Variants in LPO observed in about 807,000 individuals in gnomAD.
LPO encodes the protein lactoperoxidase, also known as salivary peroxidase.
LPO carries 70 observed loss-of-function variants against 68.4 expected under a neutral mutation model. The ratio of observed to expected loss-of-function variants is 1.02; its 90% CI spans 0.84 to 1.25. The LOEUF (loss-of-function observed/expected upper bound fraction) is 1.25, where lower values mean the gene tolerates loss of function less well. Among genes scored for constraint, LPO ranks in the 50% most tolerant of loss-of-function variants. LPO has a pLI of 0.00. For missense variants in LPO, 873 were observed against 908.4 expected, an observed-to-expected ratio of 0.96 and a Z score of 0.50; for synonymous variants, 360 against 357.6, an observed-to-expected ratio of 1.01 and a Z score of -0.08.
intron 1 of LPO, among the ~76,000 whole-genome samples, chr17:58,241,105 G>GTTCTT (rs1354561852): frequency 3.9e-5 from 5 of 128,930 alleles, no homozygotes; most frequent in South Asian, 5.2e-4. Flanking sequence ...TGTTGTTGTT[G>GTTCTT]TTCTTTTCTT....
rs368489195 is a variant in LPO at position 58,244,022 on chromosome 17, C to T, written c.105C>T (p.Ser35=). The change falls in exon 3 of 13, where the codon TCC becomes TCT. Residue 35 remains serine (S), a synonymous_variant. Coordinates refer to ENST00000262290, the MANE Select transcript of LPO (RefSeq NM_006151.3). ...RAQTTRTSAI[S]DTVSQAKVQV... Reference sequence around the variant, plus strand: ...AGACTACCAGAACCTCTGCCATCTCCGATACTGTGAGTCAGGCCAAGGTCC... The same window carrying T: ...AGACTACCAGAACCTCTGCCATCTCTGATACTGTGAGTCAGGCCAAGGTCC... 3.6e-5 allele frequency: 58 copies of T among 1,609,194 alleles called. No homozygotes were observed. In the African/African-American group the frequency reaches 6.6e-4, roughly 18 times the overall value.
rs1051155731 is a variant in LPO, at chr17:58,249,620, G to T, written c.498G>T (p.Ala166=). The T allele has an allele frequency of 6.2e-7, 1 of 1,602,734 alleles. No homozygotes were observed. The stretch of plus-strand genomic sequence containing the variant: ...GGGCTCTGGCGCGCTGGCTGCCCGC[G>T]GAGTACGAGGACGGGCTCTCCCTGC... The part of the protein sequence containing the change: ...ANRALARWLP[A]EYEDGLSLPF... Residue 166 remains alanine (A), a synonymous_variant, in exon 6 of 13, where the codon GCG becomes GCT. Coordinates refer to ENST00000262290, the MANE Select transcript of LPO (RefSeq NM_006151.3).
At chr17:58,258,164 AT>A (rs1369022956) in intron 9 of LPO, among the ~76,000 whole-genome samples, 1 of 151,952 alleles carries the variant, frequency 6.6e-6, no homozygotes, top group Non-Finnish European at 1.5e-5. Context: ...CCATTTGTCC[AT>A]TTTTGCTTTG....
At chr17:58,253,022 C>CAAAAAAAAAAA (rs765890765) in intron 8 of LPO, among the ~76,000 whole-genome samples, 6 of 31,102 alleles carry the variant, frequency 1.9e-4, no homozygotes, top group East Asian at 1.8e-3. Context: ...GACTCCATCT[C>CAAAAAAAAAAA]AAAAAAAAAA....
At chr17:58,246,587 G>A (rs1190279609) in intron 3 of LPO, among the ~76,000 whole-genome samples, 1 of 152,232 alleles carries the variant, frequency 6.6e-6, no homozygotes, top group Admixed American at 6.5e-5. Flanking sequence ...GGCCGGGCGG[G>A]AAAGGAAGGA....
chr17:58,243,201 G>A, intron 2 of LPO, 146 bp downstream of exon 2: 1 of 729,700 alleles, frequency 1.4e-6, no homozygotes, highest in South Asian at 1.7e-5. Context: ...TGCTCCCTCT[G>A]AAGGCTCTAG....
At chr17:58,255,625 C>T (rs2143922681) in intron 9 of LPO, among the ~76,000 whole-genome samples, 1 of 152,252 alleles carries the variant, frequency 6.6e-6, no homozygotes. Flanking sequence ...GGAGTGGGAG[C>T]CAGGCGGGCC....
At chr17:58,257,467 T>G (rs897879698) in intron 9 of LPO, among the ~76,000 whole-genome samples, 2 of 152,266 alleles carry the variant, frequency 1.3e-5, no homozygotes, top group African/African-American at 4.8e-5. Flanking sequence ...TACAATTGAC[T>G]AGATTTCATT....
intron 3 of LPO, 43 bp downstream of exon 3, chr17:58,244,124 CA>C (rs774823819): frequency 2.2e-6 from 3 of 1,365,706 alleles, no homozygotes; most frequent in South Asian, 2.4e-5. Flanking sequence ...CACACACACA[CA>C]CACACACTTC....
intron 3 of LPO, among the ~76,000 whole-genome samples, chr17:58,245,322 G>A (rs1206569124): frequency 6.6e-6 from 1 of 152,046 alleles, no homozygotes; most frequent in Non-Finnish European, 1.5e-5. Context: ...GGGGTGGTGA[G>A]TCTACATCCC....
In LPO at chr17:58,256,647, C is replaced by G. The variant is rs551275853; in HGVS notation, c.1266+1676C>G. Among the ~76,000 whole-genome samples the G allele has an allele frequency of 3.3e-5, 5 of 151,924 alleles. No individual in the cohort carries two copies. The East Asian group carries it at 7.8e-4, about 24-fold the overall frequency. On this transcript the variant is annotated intron_variant, in intron 9 of 12. Transcript: ENST00000262290. Reference sequence around the variant, plus strand: ...CGGCCAACATGGTGAAACCTTGTCTCTACTAAAAATACAAAAATTAGCTGG... The same window carrying G: ...CGGCCAACATGGTGAAACCTTGTCTGTACTAAAAATACAAAAATTAGCTGG...
At position 58,249,183 on chromosome 17, in the gene LPO, G is replaced by A. The variant is rs774537619; in HGVS notation, c.443+6G>A. ...ACGGGAGACTGCAATAACAGGTGGC[G>A]GGGCTTGGGGTGTGGGGGCCGACCA... On this transcript the variant is annotated splice_donor_region_variant and intron_variant, in intron 5 of 12. Coordinates refer to ENST00000262290, the MANE Select transcript of LPO (RefSeq NM_006151.3). 19 of 1,612,144 alleles carry A rather than the reference G, an allele frequency of 1.2e-5. No individual in the cohort carries two copies. The East Asian group carries it at 2.9e-4, about 25-fold the overall frequency.
In LPO at chr17:58,266,152, G is replaced by A. The variant is rs1156797605; in HGVS notation, c.1520-1G>A. On this transcript the variant is annotated splice_acceptor_variant, in intron 10 of 12. Coordinates refer to ENST00000262290, the MANE Select transcript of LPO (RefSeq NM_006151.3). LOFTEE classifies it high-confidence loss of function. ...CATGGCTTCTGGGTCTCCCTTGGCA[G>A]GTGGAATTGATCCTCTGGTGCGGGG... 1 of 1,613,758 alleles carries A rather than the reference G, an allele frequency of 6.2e-7. No homozygotes were observed. Among genetic ancestry groups the A allele is most frequent in the Non-Finnish European group, 8.5e-7 (1 of 1,179,812 alleles).
intron 1 of LPO, among the ~76,000 whole-genome samples, chr17:58,241,125 CTTTTTTTTTT>C (rs1161572564): frequency 8.8e-5 from 8 of 91,304 alleles, no homozygotes; most frequent in East Asian, 2.8e-4. Context: ...TTTCTTTTTT[CTTTTTTTTTT>C]TTTTTTTTTT....
At chr17:58,245,570 C>A (rs1969838296) in intron 3 of LPO, among the ~76,000 whole-genome samples, 1 of 152,146 alleles carries the variant, frequency 6.6e-6, no homozygotes, top group South Asian at 2.1e-4. Context: ...AGCAGCTTCG[C>A]CCTACTGTTG....
chr17:58,267,838 AC>A lies in LPO; in HGVS notation c.1984del (p.Gln662ArgfsTer49), dbSNP rs747654687. On this transcript the variant is annotated frameshift_variant, in exon 13 of 13. Coordinates refer to ENST00000262290, the MANE Select transcript of LPO (RefSeq NM_006151.3). LOFTEE classifies it low-confidence loss of function (END_TRUNC). ...VFTNEQKDSLQKMSFSRLVCD... is the reference protein window; with the variant it reads ...VFTNEQKDSLXKMSFSRLVCD... ...TCACGAACGAGCAGAAGGACTCTCT[AC>A]AGAAAATGTCCTTCTCACGCCTTGT... The A allele has an allele frequency of 6.8e-6, 11 of 1,613,992 alleles. No homozygotes were observed. In the South Asian group the frequency reaches 1.2e-4, roughly 18 times the overall value.
intron 3 of LPO, among the ~76,000 whole-genome samples, chr17:58,244,886 C>T (rs760009983): frequency 2.0e-5 from 3 of 152,222 alleles, no homozygotes; most frequent in African/African-American, 4.8e-5. Context: ...AACTGCCCTC[C>T]GATCCTGTAC....
chr17:58,248,459 C>T (rs992800369), intron 4 of LPO, among the ~76,000 whole-genome samples: 4 of 152,044 alleles, frequency 2.6e-5, no homozygotes, highest in South Asian at 4.2e-4. Context: ...CCCTTGCAGA[C>T]GCCAGGGTGG....
At chr17:58,263,426 A>G (rs1032698813) in intron 9 of LPO, among the ~76,000 whole-genome samples, 8 of 152,126 alleles carry the variant, frequency 5.3e-5, no homozygotes, top group Middle Eastern at 3.4e-3. Context: ...ATATTAGGAG[A>G]CCCTTGATCC....
Sources: allele counts gnomAD v4.1 joint callset (sites outside exome capture counted in the v4.1 genomes callset), GRCh38; gene constraint gnomAD v4.1.1; transcripts MANE v1.5; gene names NCBI Gene and HGNC (gene_info 2026-07-23, HGNC 2026-07-21).